The following HDX variants were observed in gnomAD, a reference collection of about 807,000 sequenced individuals.
HDX encodes the protein chromosome X open reading frame 43.
Under a neutral mutation model 45.2 loss-of-function variants are expected in HDX, and 19 were observed. The observed-to-expected ratio is 0.42, with a 90% CI of 0.29 to 0.62. The LOEUF is 0.62. HDX is among the 20% of genes least tolerant of loss of function. The pLI, the probability that HDX is intolerant of heterozygous loss-of-function variation, is 0.20. For missense variants in HDX, 532 were observed against 493.9 expected (o/e 1.08, Z -0.73); for synonymous variants, 188 against 172.8 (o/e 1.09, Z -0.69).
intron 5 of HDX, among the ~76,000 whole-genome samples, chrX:84,370,682 T>C (rs1358918249): frequency 2.7e-5 from 3 of 112,190 alleles, no homozygotes; most frequent in Non-Finnish European, 3.8e-5. Flanking sequence ...GCTAACATTT[T>C]ACTTGTCTTA....
At chrX:84,362,940 G>A (rs747553038) in intron 5 of HDX, among the ~76,000 whole-genome samples, 156 of 111,359 alleles carry the variant, frequency 1.4e-3, no homozygotes, top group Non-Finnish European at 1.9e-3. Context: ...TTCAGCCACC[G>A]AAAGGAAAAT....
chrX:84,473,128 CT>C (rs905628430), intron 3 of HDX, among the ~76,000 whole-genome samples: 2 of 108,827 alleles, frequency 1.8e-5, no homozygotes, highest in Non-Finnish European at 3.8e-5. Context: ...ACTTCTTTCC[CT>C]TTTTTTATAT....
At chrX:84,455,873 G>T (rs1315081368) in intron 4 of HDX, among the ~76,000 whole-genome samples, 2 of 112,345 alleles carry the variant, frequency 1.8e-5, no homozygotes, top group African/African-American at 3.2e-5. Context: ...ACATCTGGCA[G>T]AAGCCTTTTC....
chrX:84,468,744 A>G lies in HDX; in HGVS notation c.979T>C (p.Tyr327His). Residue 327 changes from tyrosine to histidine, a missense_variant, in exon 4 of 11, where the codon TAT becomes CAT. This residue lies in a region of HDX where 376 missense variants were observed against 343.7 expected (regional missense o/e 1.09). Coordinates refer to ENST00000373177, the MANE Select transcript of HDX (RefSeq NM_001177479.2). The stretch of plus-strand genomic sequence containing the variant: ...GCTCGAAGGGAACTGCCACTTTCAT[A>G]AAATCTCGAATAGCTTGGTATCTGT... ...RAQIPSYSRF[Y>H]ESGSSLRAEN... 1 of 1,211,809 alleles carries G rather than the reference A, an allele frequency of 8.3e-7. No homozygotes were observed.
intron 5 of HDX, among the ~76,000 whole-genome samples, chrX:84,391,372 CAT>C (rs760650513): frequency 1.4e-3 from 159 of 111,844 alleles, no homozygotes; most frequent in African/African-American, 4.9e-3. Flanking sequence ...TGGTTAATTC[CAT>C]ATGTTTGCTA....
intron 8 of HDX, 116 bp from the exon 9 acceptor site, chrX:84,333,958 A>G: frequency 2.7e-6 from 1 of 373,397 alleles, no homozygotes; most frequent in East Asian, 4.7e-5. Flanking sequence ...TATCTGGAAT[A>G]AATTCTGATA....
At chrX:84,473,147 T>G (rs774152926) in intron 3 of HDX, among the ~76,000 whole-genome samples, 1 of 109,895 alleles carries the variant, frequency 9.1e-6, no homozygotes, top group African/African-American at 3.3e-5. Context: ...TATCTCCTTC[T>G]TTGTTTTCTT....
intron 4 of HDX, among the ~76,000 whole-genome samples, chrX:84,465,748 A>G (rs1342457067): frequency 9.0e-6 from 1 of 111,468 alleles, no homozygotes; most frequent in Non-Finnish European, 1.9e-5. Context: ...GCAGCAAACT[A>G]CTATGGCAGA....
intron 7 of HDX, among the ~76,000 whole-genome samples, chrX:84,341,713 TTG>T (rs375968343): frequency 0.014 from 1,551 of 108,498 alleles, 27 homozygotes; most frequent in African/African-American, 0.05. Flanking sequence ...ATCTCCTTAT[TTG>T]TTTTTTTTTT....
At chrX:84,452,012 T>C (rs749573931) in intron 4 of HDX, among the ~76,000 whole-genome samples, 1 of 110,937 alleles carries the variant, frequency 9.0e-6, no homozygotes. Flanking sequence ...CCAGAAGGAA[T>C]GTACCTCAAC....
intron 4 of HDX, among the ~76,000 whole-genome samples, chrX:84,462,549 G>A (rs1257549760): frequency 1.8e-5 from 2 of 111,344 alleles, no homozygotes; most frequent in African/African-American, 6.5e-5. Context: ...TACAATCAAA[G>A]TGCAATAAGC....
chrX:84,353,575 A>G (rs2037409013), intron 6 of HDX, among the ~76,000 whole-genome samples: 2 of 111,523 alleles, frequency 1.8e-5, no homozygotes, highest in Non-Finnish European at 3.8e-5. Context: ...AAGACAACCA[A>G]TCTATAATAT....
At chrX:84,354,917 A>T (rs1452796937) in intron 6 of HDX, among the ~76,000 whole-genome samples, 2 of 44,525 alleles carry the variant, frequency 4.5e-5, no homozygotes, top group Non-Finnish European at 9.1e-5. Flanking sequence ...ATATATATAT[A>T]TACACACACA....
At chrX:84,455,945 A>G (rs2040103406) in intron 4 of HDX, among the ~76,000 whole-genome samples, 1 of 112,376 alleles carries the variant, frequency 8.9e-6, no homozygotes, top group Non-Finnish European at 1.9e-5. Context: ...TAAGAAAAAG[A>G]AATTGTCCTA....
chrX:84,345,983 G>C (rs187058994), intron 6 of HDX, among the ~76,000 whole-genome samples: 8 of 110,683 alleles, frequency 7.2e-5, no homozygotes, highest in African/African-American at 2.6e-4. Flanking sequence ...GTTGAGTTTT[G>C]AGAAGTTCTT....
At chrX:84,408,508 T>TG (rs372903389) in intron 5 of HDX, among the ~76,000 whole-genome samples, 2,978 of 99,950 alleles carry the variant, frequency 0.03, 53 homozygotes, top group Non-Finnish European at 0.045. Flanking sequence ...TGTTTTTTTT[T>TG]TTTTTTTTTT....
At chrX:84,325,463 C>A (rs1488431847) in intron 10 of HDX, among the ~76,000 whole-genome samples, 3 of 111,473 alleles carry the variant, frequency 2.7e-5, no homozygotes, top group African/African-American at 9.8e-5. Context: ...TTTAATATTA[C>A]ATGGTACATT....
At chrX:84,418,480 A>G (rs2039167500) in intron 5 of HDX, among the ~76,000 whole-genome samples, 1 of 111,828 alleles carries the variant, frequency 8.9e-6, no homozygotes, top group Non-Finnish European at 1.9e-5. Flanking sequence ...GGTCTTTGCC[A>G]TTACTTTTAA....
chrX:84,447,173 A>G (rs748496888), intron 4 of HDX, among the ~76,000 whole-genome samples: 38 of 112,006 alleles, frequency 3.4e-4, no homozygotes, highest in Non-Finnish European at 5.5e-4. Context: ...GAAAATCTAG[A>G]TATTTTAAAG....
Sources: allele counts gnomAD v4.1 joint callset (sites outside exome capture counted in the v4.1 genomes callset), GRCh38; gene constraint gnomAD v4.1.1; regional missense constraint gnomAD v4.1.1; transcripts MANE v1.5; gene names NCBI Gene and HGNC (gene_info 2026-07-23, HGNC 2026-07-21).